Variants in IFT122 observed in about 807,000 individuals in gnomAD.
IFT122 encodes the protein intraflagellar transport protein 122 homolog.
Under a neutral mutation model 161.6 loss-of-function variants are expected in IFT122, and 118 were observed. The observed-to-expected ratio is 0.73, with a 90% CI of 0.63 to 0.85. The LOEUF is 0.85. Among genes scored for constraint, IFT122 ranks in the 40% least tolerant of loss-of-function variants. IFT122 has a pLI of 0.00. For missense variants in IFT122, 1,381 were observed against 1,579.6 expected (o/e 0.87, Z 2.13); for synonymous variants, 550 against 602.4 (o/e 0.91, Z 1.27).
At position 129,495,566 on chromosome 3, in the gene IFT122, C is replaced by A. The variant is rs757315066; in HGVS notation, c.2167C>A (p.Leu723Ile). ...GAGGAGTGGGCACGAGAACCTCGCG[C>A]TTGAAATGTACACCGACCTCTGCAT... is the stretch of plus-strand genomic sequence containing the variant. ...YKRSGHENLALEMYTDLCMFE... is the reference protein window; with the variant it reads ...YKRSGHENLAIEMYTDLCMFE... Residue 723 changes from leucine (L) to isoleucine (I), a missense_variant, in exon 18 of 30, where the codon CTT (leucine) becomes ATT (isoleucine). Transcript: ENST00000348417. 1.9e-6 allele frequency: 3 copies of A among 1,614,226 alleles called. No homozygotes were observed. In the South Asian group the frequency reaches 3.3e-5, roughly 18 times the overall value.
rs2074909409 is a variant in IFT122, at chr3:129,451,954, A to C, written c.149A>C (p.Lys50Thr). The C allele has an allele frequency of 6.2e-7, 1 of 1,614,102 alleles. No individual in the cohort carries two copies. The highest frequency in any genetic ancestry group is 2.2e-5 in the East Asian group (1 of 44,872). The change falls in exon 3 of 30, where the codon AAG (lysine) becomes ACG (threonine). Residue 50 changes from lysine (K) to threonine (T), a missense_variant. Coordinates refer to ENST00000348417, the MANE Select transcript of IFT122 (RefSeq NM_052989.3). ...GATGGCACCTTACTTCAGCCCCTCA[A>C]GGGACACAAAGACACTGTGTACTGT... ...TSDGTLLQPLKGHKDTVYCVA... is the reference protein window; with the variant it reads ...TSDGTLLQPLTGHKDTVYCVA...
intron 1 of IFT122, among the ~76,000 whole-genome samples, chr3:129,442,144 C>T (rs1000814218): frequency 3.3e-5 from 5 of 152,054 alleles, no homozygotes; most frequent in Non-Finnish European, 5.9e-5. Flanking sequence ...ATTTGCTGGC[C>T]GAATGCAGCC....
chr3:129,466,822 G>C, intron 7 of IFT122, 68 bp from the exon 8 acceptor site: 1 of 1,520,480 alleles, frequency 6.6e-7, no homozygotes, highest in East Asian at 2.3e-5. Flanking sequence ...TCCTTGCCAG[G>C]ATTTTAAATT....
intron 19 of IFT122, among the ~76,000 whole-genome samples, chr3:129,501,327 A>G (rs2081521927): frequency 6.6e-6 from 1 of 152,168 alleles, no homozygotes; most frequent in South Asian, 2.1e-4. Context: ...GTCTACAGGT[A>G]GCAGTGGCCC....
rs2076139894 is a variant in IFT122 at position 129,460,852 on chromosome 3, A to AGATCTT, written c.273-374_273-369dup. 1 of 1,612,560 alleles carries AGATCTT rather than the reference A, an allele frequency of 6.2e-7. No homozygotes were observed. Among genetic ancestry groups the AGATCTT allele is most frequent in the Admixed American group, 1.7e-5 (1 of 59,998 alleles). ...TTGTCTAAGGATTTGTCATGTTTCCAGATCTTGGTCTGTGATGTCTTCATT... is the reference window on the plus strand; with the variant it reads ...TTGTCTAAGGATTTGTCATGTTTCCAGATCTTGATCTTGGTCTGTGATGTCTTCATT... On this transcript the variant is annotated intron_variant, in intron 4 of 29. Coordinates refer to ENST00000348417, the MANE Select transcript of IFT122 (RefSeq NM_052989.3).
chr3:129,500,266 T>C (rs143365183), intron 19 of IFT122, among the ~76,000 whole-genome samples, 198 bp downstream of exon 19: 2 of 152,324 alleles, frequency 1.3e-5, no homozygotes, highest in Non-Finnish European at 2.9e-5. Flanking sequence ...GGGGAAGGGA[T>C]GGTGGGGACC....
chr3:129,444,328 G>A (rs976016678), intron 1 of IFT122, among the ~76,000 whole-genome samples: 1 of 152,218 alleles, frequency 6.6e-6, no homozygotes, highest in African/African-American at 2.4e-5. Context: ...AAAACTCAGG[G>A]CTTCAGTTTG....
At chr3:129,500,857 A>G (rs559670499) in intron 19 of IFT122, among the ~76,000 whole-genome samples, 1 of 152,284 alleles carries the variant, frequency 6.6e-6, no homozygotes, top group East Asian at 1.9e-4. Context: ...GTGACCACCT[A>G]CAGTCAGACA....
intron 5 of IFT122, 97 bp downstream of exon 5, chr3:129,461,401 G>A: frequency 4.6e-6 from 4 of 877,946 alleles, no homozygotes; most frequent in South Asian, 4.0e-5. Context: ...TATCCTGAGA[G>A]AGTTAATACT....
intron 11 of IFT122, 150 bp downstream of exon 11, chr3:129,476,951 T>C (rs2078025190): frequency 2.3e-6 from 2 of 877,416 alleles, no homozygotes; most frequent in Non-Finnish European, 1.7e-6. Flanking sequence ...TTTTCTTTTT[T>C]TTTTTTTTTT....
At position 129,502,750 on chromosome 3, in the gene IFT122, C is replaced by T. The variant is rs61744218; in HGVS notation, c.2415C>T (p.Arg805=). 1.7e-3 allele frequency: 2,757 copies of T among 1,611,280 alleles called. 38 individuals are homozygous for T. The African/African-American group carries it at 0.028, about 17-fold the overall frequency. ...CCCGCAAACTGGACAAGGCTGAGCG[C>T]GAGCCCCTGCTGCTGTGCGCTACCT... ...DIARKLDKAE[R]EPLLLCATYL... is the part of the protein sequence containing the mutation. Residue 805 remains arginine (R), a synonymous_variant, in exon 20 of 30, where the codon CGC becomes CGT. Transcript: ENST00000348417.
chr3:129,481,088 G>A (rs753917533), intron 13 of IFT122, among the ~76,000 whole-genome samples: 35 of 151,968 alleles, frequency 2.3e-4, no homozygotes, highest in Non-Finnish European at 4.4e-4. Flanking sequence ...TTTAAACCAG[G>A]GATATCAGTA....
chr3:129,489,710 G>A lies in IFT122; in HGVS notation c.1992+1313G>A, dbSNP rs1348976423. Reference sequence around the variant, plus strand: ...AAAAATTAGCCGGGCATGGTGGCAGGCGCCTGTAGTCCCAGCTACTCCGGA... The same window carrying A: ...AAAAATTAGCCGGGCATGGTGGCAGACGCCTGTAGTCCCAGCTACTCCGGA... On this transcript the variant is annotated intron_variant, in intron 16 of 29. Coordinates refer to ENST00000348417, the MANE Select transcript of IFT122 (RefSeq NM_052989.3). 4.6e-5 allele frequency among the ~76,000 whole-genome samples: 7 copies of A among 152,162 alleles called. No homozygotes were observed. In the East Asian group the frequency reaches 7.7e-4, roughly 17 times the overall value.
chr3:129,447,657 CG>C (rs2074188907), intron 1 of IFT122, among the ~76,000 whole-genome samples: 1 of 152,118 alleles, frequency 6.6e-6, no homozygotes, highest in East Asian at 1.9e-4. Flanking sequence ...GGATTACAGG[CG>C]CCCGCCACCA....
chr3:129,456,927 A>G (rs1273565723), intron 3 of IFT122, among the ~76,000 whole-genome samples: 1 of 152,148 alleles, frequency 6.6e-6, no homozygotes, highest in Non-Finnish European at 1.5e-5. Context: ...AAAAAAAGGT[A>G]CTTTACAGAT....
rs2078973659 is a variant in IFT122 at position 129,483,981 on chromosome 3, G to A, written c.1851+299G>A. 6.5e-6 allele frequency: 3 copies of A among 458,326 alleles called. 1 individual carries two copies. In the Middle Eastern group the frequency reaches 2.0e-3, roughly 304 times the overall value. 28.4% of individuals were successfully genotyped at this position (458,326 alleles called of 1,614,324 possible). ...GCGTGTGTTTTGCAGAGAGCCCAGC[G>A]TGGGGCCGAATGGAGTGAGCAGCAA... On this transcript the variant is annotated intron_variant, in intron 15 of 29. Coordinates refer to ENST00000348417, the MANE Select transcript of IFT122 (RefSeq NM_052989.3).
Position 129,506,488 on chromosome 3 carries a change from G to A in IFT122, c.2730G>A (p.Arg910=), listed in dbSNP as rs765560540. The A allele has an allele frequency of 2.2e-5, 36 of 1,614,148 alleles. No homozygotes were observed. Among genetic ancestry groups the A allele is most frequent in the Non-Finnish European group, 2.8e-5 (33 of 1,180,062 alleles). ...CAAACAATGCCGTGGCGGAGAGCAG[G>A]TTTAATGATGCTGCCTATTATTACT... The part of the protein sequence containing the change: ...QLTNNAVAES[R]FNDAAYYYWM... Residue 910 remains arginine, a synonymous_variant, in exon 22 of 30, where the codon AGG becomes AGA. Coordinates refer to ENST00000348417, the MANE Select transcript of IFT122 (RefSeq NM_052989.3).
chr3:129,516,989 GCA>G (rs1202330874), intron 26 of IFT122, among the ~76,000 whole-genome samples: 33 of 73,956 alleles, frequency 4.5e-4, no homozygotes, highest in Non-Finnish European at 6.1e-4. Context: ...GACTGCCCCT[GCA>G]CACACACACA....
At chr3:129,462,406 A>T (rs2076295420) in intron 5 of IFT122, among the ~76,000 whole-genome samples, 1 of 152,204 alleles carries the variant, frequency 6.6e-6, no homozygotes, top group Admixed American at 6.5e-5. Context: ...ACAGCCCCTG[A>T]GGTGTCAGGT....
Sources: allele counts gnomAD v4.1 joint callset (sites outside exome capture counted in the v4.1 genomes callset), GRCh38; gene constraint gnomAD v4.1.1; transcripts MANE v1.5; gene names NCBI Gene and HGNC (gene_info 2026-07-23, HGNC 2026-07-21).